PODXL2: variants seen among roughly 807,000 people sequenced by gnomAD.
PODXL2 encodes the protein podocalyxin-like protein 2.
In PODXL2, 17 loss-of-function variants were observed where a neutral mutation model predicts 53.4. That is an observed-to-expected ratio of 0.32 (90% CI 0.22 to 0.48). The LOEUF is 0.48. Ranked by LOEUF, PODXL2 falls within the 20% of genes least tolerant of loss-of-function variation. The pLI is 0.99. For missense variants in PODXL2, 673 were observed against 760.0 expected, an observed-to-expected ratio of 0.89 and a Z score of 1.35; for synonymous variants, 311 against 306.7, an observed-to-expected ratio of 1.01 and a Z score of -0.15.
intron 1 of PODXL2, among the ~76,000 whole-genome samples, chr3:127,632,607 C>T (rs1447056398): frequency 6.6e-6 from 1 of 152,214 alleles, no homozygotes; most frequent in Non-Finnish European, 1.5e-5. Context: ...TCCTGGAATG[C>T]ATGAATGAGT....
intron 2 of PODXL2, among the ~76,000 whole-genome samples, chr3:127,646,441 A>G (rs2074657345): frequency 6.6e-6 from 1 of 151,220 alleles, no homozygotes; most frequent in South Asian, 2.1e-4. Flanking sequence ...CTGGAGTACA[A>G]TGGTGCAACA....
rs71150487 is a variant in PODXL2 at position 127,656,734 on chromosome 3, C to CAAA, written c.350-3620_350-3618dup. On this transcript the variant is annotated intron_variant, in intron 2 of 7. Transcript: ENST00000342480. Reference sequence around the variant, plus strand: ...TGGGTGACAGAGCAAGACTCCATCTCAAAAAAAAAAAAAAAAAAAAAAAAA... The same window carrying CAAA: ...TGGGTGACAGAGCAAGACTCCATCTCAAAAAAAAAAAAAAAAAAAAAAAAAAAA... 8.2e-4 allele frequency among the ~76,000 whole-genome samples: 23 copies of CAAA among 28,112 alleles called. 1 individual carries two copies. The highest frequency in any genetic ancestry group is 7.9e-3 in the East Asian group (4 of 508). 18.4% of individuals were successfully genotyped at this position (28,112 alleles called of 152,430 possible).
In PODXL2 at chr3:127,672,507, GC is replaced by G; in HGVS notation, c.*29del. 7.1e-7 allele frequency: 1 copy of G among 1,410,644 alleles called. No homozygotes were observed. 87.4% of individuals were successfully genotyped at this position (1,410,644 alleles called of 1,614,324 possible). On this transcript the variant is annotated 3_prime_UTR_variant, in exon 8 of 8. Transcript: ENST00000342480. ...CGCAGCCGAGGCGCAGGCCGAGTGG[GC>G]CGCCAGGACCAAGCGAGGTGGACCC...
Position 127,660,886 on chromosome 3 carries a change from C to T in PODXL2, c.858C>T (p.Ser286=), listed in dbSNP as rs376925076. 23 of 1,614,112 alleles carry T rather than the reference C, an allele frequency of 1.4e-5. No individual in the cohort carries two copies. Among genetic ancestry groups the T allele is most frequent in the African/African-American group, 1.1e-4 (8 of 74,938 alleles). ...GVEFEAPQEA[S]EEATAGAAGL... is the part of the protein sequence containing the mutation. ...AGTTCGAGGCTCCTCAGGAAGCAAGCGAGGAAGCCACTGCAGGAGCAGCTG... is the reference window on the plus strand; with the variant it reads ...AGTTCGAGGCTCCTCAGGAAGCAAGTGAGGAAGCCACTGCAGGAGCAGCTG... Residue 286 remains serine (S), a synonymous_variant, in exon 3 of 8, where the codon AGC becomes AGT. Transcript: ENST00000342480.
chr3:127,671,701 C>A, intron 7 of PODXL2, 88 bp downstream of exon 7: 2 of 1,295,560 alleles, frequency 1.5e-6, no homozygotes, highest in Non-Finnish European at 2.2e-6. Flanking sequence ...GAGGCAGTGA[C>A]TCTCCTGGGC....
At chr3:127,634,542 G>T (rs2074565825) in intron 1 of PODXL2, among the ~76,000 whole-genome samples, 1 of 151,162 alleles carries the variant, frequency 6.6e-6, no homozygotes, top group South Asian at 2.1e-4. Context: ...GGCCAACATG[G>T]TTAAACTCTA....
intron 2 of PODXL2, among the ~76,000 whole-genome samples, chr3:127,643,353 G>A (rs1415955209): frequency 6.6e-6 from 1 of 152,036 alleles, no homozygotes; most frequent in Non-Finnish European, 1.5e-5. Context: ...TGGGATTATA[G>A]GCATGTGCCA....
At chr3:127,653,177 AGTG>A (rs1345670896) in intron 2 of PODXL2, among the ~76,000 whole-genome samples, 2 of 152,110 alleles carry the variant, frequency 1.3e-5, no homozygotes, top group Non-Finnish European at 2.9e-5. Context: ...TGGACACCTG[AGTG>A]GGAAAAGCAC....
At chr3:127,649,181 C>T (rs2053726551) in intron 2 of PODXL2, among the ~76,000 whole-genome samples, 1 of 152,106 alleles carries the variant, frequency 6.6e-6, no homozygotes, top group Non-Finnish European at 1.5e-5. Flanking sequence ...GTGGTATACA[C>T]ATCTTGCTGT....
rs139064670 is a variant in PODXL2 at position 127,639,198 on chromosome 3, T to A, written c.71-47T>A. The A allele has an allele frequency of 3.4e-4, 511 of 1,523,890 alleles. 3 individuals carry two copies. In the East Asian group the frequency reaches 0.011, roughly 33 times the overall value. 94.4% of individuals were successfully genotyped at this position (1,523,890 alleles called of 1,614,324 possible). On this transcript the variant is annotated intron_variant, in intron 1 of 7. Coordinates refer to ENST00000342480, the MANE Select transcript of PODXL2 (RefSeq NM_015720.4). ...ATGCTCTAACCTGGCACCAGTCTTG[T>A]GTCTTCTCTAGCCTCCCCTGACTGT...
intron 1 of PODXL2, among the ~76,000 whole-genome samples, chr3:127,632,834 G>A (rs2074555255): frequency 6.6e-6 from 1 of 152,184 alleles, no homozygotes; most frequent in African/African-American, 2.4e-5. Context: ...CACAGAATAG[G>A]AGCTCAGGAG....
At chr3:127,670,167 G>T (rs1344732698) in intron 6 of PODXL2, among the ~76,000 whole-genome samples, 2 of 152,220 alleles carry the variant, frequency 1.3e-5, no homozygotes, top group East Asian at 3.8e-4. Flanking sequence ...CACCCCATGG[G>T]GTTGTGAGGG....
chr3:127,633,645 T>C (rs1282665859), intron 1 of PODXL2, among the ~76,000 whole-genome samples: 1 of 152,178 alleles, frequency 6.6e-6, no homozygotes, highest in Non-Finnish European at 1.5e-5. Flanking sequence ...GTCCCCATCA[T>C]GTGTAAAAGG....
chr3:127,672,220 T>C (rs2074851692), intron 7 of PODXL2, 48 bp from the exon 8 acceptor site: 1 of 1,495,408 alleles, frequency 6.7e-7, no homozygotes, highest in Non-Finnish European at 9.0e-7. Context: ...CCTGGCGCTG[T>C]CCGGGGGCTG....
At position 127,632,218 on chromosome 3, in the gene PODXL2, G is replaced by C. The variant is rs755153065; in HGVS notation, c.70+2929G>C. On this transcript the variant is annotated intron_variant, in intron 1 of 7. Transcript: ENST00000342480. Reference sequence around the variant, plus strand: ...CTGGAGAGGGCAGAGCAGTCTTCTTGAGTTCCAAGCCATTCCGAGGAGCCA... The same window carrying C: ...CTGGAGAGGGCAGAGCAGTCTTCTTCAGTTCCAAGCCATTCCGAGGAGCCA... Among the ~76,000 whole-genome samples the C allele has an allele frequency of 5.1e-4, 77 of 152,340 alleles. 2 individuals carry two copies. Among genetic ancestry groups the C allele is most frequent in the Admixed American group, 1.4e-3 (22 of 15,304 alleles).
chr3:127,672,176 A>AC, intron 7 of PODXL2, 92 bp from the exon 8 acceptor site: 7 of 975,136 alleles, frequency 7.2e-6, no homozygotes, highest in Non-Finnish European at 1.1e-5. Context: ...TGCCGCGGGA[A>AC]CCCCCTGGGT....
rs555915261 is a variant in PODXL2 at position 127,652,355 on chromosome 3, G to T, written c.350-8023G>T. ...GTTTCTGTTTAGAGCCACCAGGGGG[G>T]GCTGTGACTTCACAGTGCCATTCCC... is the stretch of plus-strand genomic sequence containing the variant. On this transcript the variant is annotated intron_variant, in intron 2 of 7. Transcript: ENST00000342480. Among the ~76,000 whole-genome samples the T allele has an allele frequency of 9.2e-5, 14 of 152,242 alleles. No homozygotes were observed. The South Asian group carries it at 2.5e-3, about 27-fold the overall frequency.
chr3:127,648,721 T>G (rs2074670871), intron 2 of PODXL2, among the ~76,000 whole-genome samples: 1 of 151,656 alleles, frequency 6.6e-6, no homozygotes, highest in East Asian at 1.9e-4. Context: ...GTTCAAGTGA[T>G]TCTTAGTCTC....
intron 2 of PODXL2, among the ~76,000 whole-genome samples, chr3:127,654,330 C>G (rs943405041): frequency 3.3e-5 from 5 of 152,174 alleles, no homozygotes; most frequent in Non-Finnish European, 7.3e-5. Context: ...GCTGTATCTT[C>G]TTAGTGAATC....
Sources: allele counts gnomAD v4.1 joint callset (sites outside exome capture counted in the v4.1 genomes callset), GRCh38; gene constraint gnomAD v4.1.1; transcripts MANE v1.5; gene names NCBI Gene and HGNC (gene_info 2026-07-23, HGNC 2026-07-21).